The following ARHGEF4 variants were observed in gnomAD, a reference collection of about 807,000 sequenced individuals.
The protein encoded by ARHGEF4 is Rho guanine nucleotide exchange factor 4.
A neutral mutation model predicts 162.0 loss-of-function variants in ARHGEF4; 119 were observed. The observed-to-expected ratio is 0.73, with a 90% CI of 0.63 to 0.86. The LOEUF is 0.86. ARHGEF4 is among the 40% of genes least tolerant of loss of function. The pLI is 0.00. For missense variants in ARHGEF4, 2,488 were observed against 2,456.0 expected, an observed-to-expected ratio of 1.01 and a Z score of -0.28; for synonymous variants, 1,014 against 979.9, an observed-to-expected ratio of 1.03 and a Z score of -0.65.
intron 4 of ARHGEF4, chr2:130,964,019 T>G: frequency 3.9e-6 from 1 of 258,900 alleles, no homozygotes; most frequent in Non-Finnish European, 5.3e-6. Flanking sequence ...TCCCCGAGCC[T>G]GTGGCTGGAG....
intron 4 of ARHGEF4, among the ~76,000 whole-genome samples, chr2:130,968,900 A>G (rs141596858): frequency 0.014 from 2,098 of 152,326 alleles, 56 homozygotes; most frequent in African/African-American, 0.048. Context: ...CCTGGGCAAC[A>G]GAGCAAGTCT....
intron 4 of ARHGEF4, chr2:130,964,399 G>T (rs373147549): frequency 3.0e-4 from 87 of 294,560 alleles, no homozygotes; most frequent in African/African-American, 1.9e-3. Flanking sequence ...CCATTGCTTC[G>T]CCCTGCTATT....
rs1429956694 is a variant in ARHGEF4, at chr2:130,931,206, C to A, written c.3807C>A (p.Ala1269=). ...KTQRKKLQKQ[A]HVERRLHIGA... The stretch of plus-strand genomic sequence containing the variant: ...AGAGAAAGAAGTTGCAGAAGCAGGC[C>A]CACGTCGAAAGGAGGCTGCACATAG... Residue 1269 remains alanine (A), a synonymous_variant, in exon 3 of 14, where the codon GCC becomes GCA. Coordinates refer to ENST00000409359, the MANE Select transcript of ARHGEF4 (RefSeq NM_001367493.1). 1 of 1,613,854 alleles carries A rather than the reference C, an allele frequency of 6.2e-7. No individual in the cohort carries two copies.
intron 4 of ARHGEF4, among the ~76,000 whole-genome samples, chr2:130,981,441 C>T (rs1686109225): frequency 6.6e-6 from 1 of 151,930 alleles, no homozygotes; most frequent in South Asian, 2.1e-4. Context: ...CAGGCGGATC[C>T]CAAGGTCGGG....
intron 2 of ARHGEF4, among the ~76,000 whole-genome samples, chr2:130,922,923 G>GATATAT (rs60528259): frequency 0.5 from 72,978 of 145,168 alleles, 21,522 homozygotes; most frequent in East Asian, 0.68. Context: ...CCTCTTTAAT[G>GATATAT]ATATATATAT....
At chr2:130,974,034 C>T (rs191696495) in intron 4 of ARHGEF4, among the ~76,000 whole-genome samples, 16 of 151,848 alleles carry the variant, frequency 1.1e-4, no homozygotes, top group Middle Eastern at 3.2e-3. Context: ...CTTTGGGAGG[C>T]TGAGTAGGAC....
chr2:130,904,321 T>C (rs1254893767), intron 1 of ARHGEF4, among the ~76,000 whole-genome samples: 3 of 152,194 alleles, frequency 2.0e-5, no homozygotes, highest in Admixed American at 1.3e-4. Flanking sequence ...TTTTATTTAT[T>C]CTGCACAGTT....
At chr2:130,940,311 TAAGAATGGATA>T (rs1215555997) in intron 3 of ARHGEF4, among the ~76,000 whole-genome samples, 2 of 152,064 alleles carry the variant, frequency 1.3e-5, no homozygotes, top group East Asian at 3.9e-4. Context: ...GACACTTTCC[TAAGAATGGATA>T]AAGTTTCAGC....
At chr2:131,045,627 G>C in intron 13 of ARHGEF4, 181 bp downstream of exon 13, 3 of 1,540,390 alleles carry the variant, frequency 1.9e-6, no homozygotes, top group South Asian at 2.5e-5. Context: ...GCCTGGGTCA[G>C]TATATGGTTG....
intron 1 of ARHGEF4, among the ~76,000 whole-genome samples, chr2:130,889,370 A>C (rs747260529): frequency 6.6e-6 from 1 of 151,912 alleles, no homozygotes; most frequent in South Asian, 2.1e-4. Flanking sequence ...GCCCATGTGC[A>C]TATTTATTTA....
chr2:130,891,083 A>G (rs1206103157), intron 1 of ARHGEF4, among the ~76,000 whole-genome samples: 1 of 152,188 alleles, frequency 6.6e-6, no homozygotes, highest in Non-Finnish European at 1.5e-5. Context: ...CAATGTAGAC[A>G]AGAGGCAGAC....
In ARHGEF4 at chr2:130,988,901, T is replaced by TATAGAGAGAGAGAGAG. The variant is rs1469212068; in HGVS notation, c.3986-39043_3986-39042insTAGAGAGAGAGAGAGA. ...ATATATATATATATATATATATATA[T>TATAGAGAGAGAGAGAG]AGAGAGAGAGAGAGAGAGAGAGAGA... On this transcript the variant is annotated intron_variant, in intron 4 of 13. Coordinates refer to ENST00000409359, the MANE Select transcript of ARHGEF4 (RefSeq NM_001367493.1). Among the ~76,000 whole-genome samples the TATAGAGAGAGAGAGAG allele has an allele frequency of 5.3e-5, 6 of 113,386 alleles. No individual in the cohort carries two copies. The East Asian group carries it at 1.4e-3, about 27-fold the overall frequency. The allele number at this position is 113,386 out of a possible 152,430, so 74.4% of individuals were successfully genotyped here.
At chr2:130,976,730 G>A (rs114882108) in intron 4 of ARHGEF4, among the ~76,000 whole-genome samples, 2,515 of 152,334 alleles carry the variant, frequency 0.017, 75 homozygotes, top group African/African-American at 0.058. Context: ...GCAAGAGCTG[G>A]CAGATGGCAG....
chr2:130,847,412 G>A (rs377029950), intron 1 of ARHGEF4, among the ~76,000 whole-genome samples: 1 of 152,208 alleles, frequency 6.6e-6, no homozygotes, highest in East Asian at 1.9e-4. Flanking sequence ...CAGTCACCAC[G>A]TTGGACTTGG....
chr2:130,924,673 G>T (rs1378458442), intron 2 of ARHGEF4, among the ~76,000 whole-genome samples: 1 of 152,226 alleles, frequency 6.6e-6, no homozygotes, highest in African/African-American at 2.4e-5. Context: ...TCCAGCGTCT[G>T]CTGAAGGCAT....
chr2:130,993,473 C>T (rs1321319566), intron 4 of ARHGEF4, among the ~76,000 whole-genome samples: 1 of 152,060 alleles, frequency 6.6e-6, no homozygotes, highest in Non-Finnish European at 1.5e-5. Context: ...TGCAGAATTT[C>T]ATTTAGGTCA....
chr2:131,045,249 G>A, intron 12 of ARHGEF4, 120 bp from the exon 13 acceptor site: 1 of 950,316 alleles, frequency 1.1e-6, no homozygotes, highest in East Asian at 2.5e-5. Context: ...CCCCGCTGTG[G>A]CCAGTACTGA....
At chr2:130,981,715 T>G (rs1686135287) in intron 4 of ARHGEF4, among the ~76,000 whole-genome samples, 1 of 151,648 alleles carries the variant, frequency 6.6e-6, no homozygotes, top group African/African-American at 2.4e-5. Flanking sequence ...GACCCCCCAT[T>G]CTTTTCCCCA....
At chr2:131,018,923 C>T (rs1236057116) in intron 4 of ARHGEF4, among the ~76,000 whole-genome samples, 1 of 152,158 alleles carries the variant, frequency 6.6e-6, no homozygotes, top group Admixed American at 6.5e-5. Context: ...TCTGGATCCT[C>T]TATTCAGTTC....
Sources: allele counts gnomAD v4.1 joint callset (sites outside exome capture counted in the v4.1 genomes callset), GRCh38; gene constraint gnomAD v4.1.1; transcripts MANE v1.5; gene names NCBI Gene and HGNC (gene_info 2026-07-23, HGNC 2026-07-21).